Variants in TMEM132C observed in about 807,000 individuals in gnomAD.
TMEM132C encodes protein phosphatase 1, regulatory subunit 152.
Under a neutral mutation model 61.4 loss-of-function variants are expected in TMEM132C, and 29 were observed. That is an observed-to-expected ratio of 0.47 (90% confidence interval 0.35 to 0.64). The LOEUF is 0.64. TMEM132C is among the 30% of genes least tolerant of loss of function. TMEM132C has a pLI of 0.00. For synonymous variants in TMEM132C, 656 were observed against 633.1 expected, an observed-to-expected ratio of 1.04 and a Z score of -0.54; for missense variants, 1,408 against 1,476.9, an observed-to-expected ratio of 0.95 and a Z score of 0.76.
At chr12:128,333,543 A>G (rs1190696755) in intron 1 of TMEM132C, among the ~76,000 whole-genome samples, 1 of 151,382 alleles carries the variant, frequency 6.6e-6, no homozygotes, top group East Asian at 2.0e-4. Context: ...TTGTGAGTGT[A>G]GCATGTATGT....
intron 2 of TMEM132C, among the ~76,000 whole-genome samples, chr12:128,454,938 G>A (rs1043738297): frequency 2.6e-5 from 4 of 152,176 alleles, no homozygotes; most frequent in African/African-American, 4.8e-5. Context: ...AAAATTGGCC[G>A]AGAGGCATAG....
rs1870927482 is a variant in TMEM132C, at chr12:128,282,429, C to T, written c.85+14942C>T. Among the ~76,000 whole-genome samples, 4 of 152,316 alleles carry T rather than the reference C, an allele frequency of 2.6e-5. No homozygotes were observed. In the South Asian group the frequency reaches 8.3e-4, roughly 32 times the overall value. On this transcript the variant is annotated intron_variant, in intron 1 of 8. Coordinates refer to ENST00000435159, the MANE Select transcript of TMEM132C (RefSeq NM_001136103.3). ...GCAAAGGAGAAGCAAGTACCTTTTT[C>T]ACATGGTGGCAGGAAAAGGAAGAGG...
intron 2 of TMEM132C, among the ~76,000 whole-genome samples, chr12:128,522,349 G>A (rs968406021): frequency 6.6e-6 from 1 of 152,226 alleles, no homozygotes; most frequent in Non-Finnish European, 1.5e-5. Context: ...GGCAGAATCA[G>A]ACTCAGGCAC....
intron 1 of TMEM132C, among the ~76,000 whole-genome samples, chr12:128,370,581 GA>G (rs1565915383): frequency 6.6e-6 from 1 of 151,772 alleles, no homozygotes; most frequent in African/African-American, 2.4e-5. Flanking sequence ...GATGCAGAGG[GA>G]AGTGGCCACC....
chr12:128,276,894 G>GCACACACACACACACA (rs71069547), intron 1 of TMEM132C, among the ~76,000 whole-genome samples: 1,846 of 150,020 alleles, frequency 0.012, 31 homozygotes, highest in African/African-American at 0.035. Context: ...GTGCGTGCAT[G>GCACACACACACACACA]CACACACACA....
At chr12:128,492,257 A>G (rs940994661) in intron 2 of TMEM132C, among the ~76,000 whole-genome samples, 3 of 152,116 alleles carry the variant, frequency 2.0e-5, no homozygotes, top group South Asian at 2.1e-4. Flanking sequence ...TCATTGATGG[A>G]CATTTGGGTT....
chr12:128,306,195 G>C (rs1330884574), intron 1 of TMEM132C, among the ~76,000 whole-genome samples: 1 of 147,032 alleles, frequency 6.8e-6, no homozygotes, highest in African/African-American at 2.5e-5. Context: ...TCTTTACCCT[G>C]TGAAGAAATT....
rs1250280682 is a variant in TMEM132C, at chr12:128,341,439, T to A, written c.86-73293T>A. ...ATTGCTAATCATTTATCTCCCAAGG[T>A]GTTTTATTTTACTCGAATGGATTTA... On this transcript the variant is annotated intron_variant, in intron 1 of 8. Coordinates refer to ENST00000435159, the MANE Select transcript of TMEM132C (RefSeq NM_001136103.3). Among the ~76,000 whole-genome samples the A allele has an allele frequency of 2.0e-5, 3 of 152,206 alleles. No homozygotes were observed. In the East Asian group the frequency reaches 5.8e-4, roughly 29 times the overall value.
At chr12:128,517,166 G>T (rs1197032945) in intron 2 of TMEM132C, among the ~76,000 whole-genome samples, 2 of 151,830 alleles carry the variant, frequency 1.3e-5, no homozygotes, top group Admixed American at 6.6e-5. Flanking sequence ...AGGAGGCAAA[G>T]GTTGCAGTGA....
intron 2 of TMEM132C, among the ~76,000 whole-genome samples, chr12:128,519,945 C>A (rs1428961409): frequency 1.3e-5 from 2 of 152,202 alleles, no homozygotes; most frequent in Non-Finnish European, 2.9e-5. Context: ...TCAGTAACCA[C>A]CTAAAACACA....
intron 4 of TMEM132C, among the ~76,000 whole-genome samples, chr12:128,664,583 G>A (rs577015678): frequency 4.6e-5 from 7 of 152,272 alleles, no homozygotes; most frequent in Non-Finnish European, 8.8e-5. Flanking sequence ...GTTGATAAGC[G>A]GTCTCTAACA....
At chr12:128,657,245 C>G (rs772676355) in intron 4 of TMEM132C, among the ~76,000 whole-genome samples, 4 of 152,078 alleles carry the variant, frequency 2.6e-5, no homozygotes, top group African/African-American at 7.2e-5. Context: ...CTCCTTCCCC[C>G]AAAGATACAT....
At chr12:128,624,168 G>A (rs770095370) in intron 4 of TMEM132C, among the ~76,000 whole-genome samples, 1 of 152,082 alleles carries the variant, frequency 6.6e-6, no homozygotes, top group Admixed American at 6.5e-5. Flanking sequence ...ACTGTGTTGG[G>A]GTGAGTCCCA....
At chr12:128,467,520 T>C (rs528080165) in intron 2 of TMEM132C, among the ~76,000 whole-genome samples, 1 of 152,252 alleles carries the variant, frequency 6.6e-6, no homozygotes, top group South Asian at 2.1e-4. Flanking sequence ...AGCTGTTTCG[T>C]TGTGTTTTCT....
intron 3 of TMEM132C, among the ~76,000 whole-genome samples, chr12:128,596,224 GTA>G (rs1875942929): frequency 6.6e-6 from 1 of 150,792 alleles, no homozygotes; most frequent in Admixed American, 6.6e-5. Flanking sequence ...GCAGGTCCTG[GTA>G]CAGAGGCGGC....
intron 5 of TMEM132C, among the ~76,000 whole-genome samples, chr12:128,689,313 C>G (rs4357766): frequency 0.21 from 31,342 of 152,016 alleles, 4,257 homozygotes; most frequent in African/African-American, 0.39. Flanking sequence ...AAAATTTTCT[C>G]TCAGCAATTT....
At chr12:128,593,046 CTCTCTGTCT>C (rs949380878) in intron 3 of TMEM132C, among the ~76,000 whole-genome samples, 20 of 145,778 alleles carry the variant, frequency 1.4e-4, no homozygotes, top group African/African-American at 4.9e-4. Context: ...CCTTTCTTTT[CTCTCTGTCT>C]TCTCTTTCTT....
chr12:128,524,012 C>A (rs1178475732), intron 2 of TMEM132C, among the ~76,000 whole-genome samples: 2 of 135,326 alleles, frequency 1.5e-5, no homozygotes, highest in African/African-American at 5.9e-5. Context: ...GACGCCATCT[C>A]AAAAAAAAAA....
At chr12:128,431,964 A>T (rs11613016) in intron 2 of TMEM132C, among the ~76,000 whole-genome samples, 5,594 of 152,292 alleles carry the variant, frequency 0.037, 140 homozygotes, top group Non-Finnish European at 0.06. Flanking sequence ...CCTAAATCCC[A>T]GGACCCTTAA....
Sources: gnomAD v4.1 joint callset for allele counts (sites outside exome capture counted in the v4.1 genomes callset) on GRCh38, gnomAD v4.1.1 for gene constraint, MANE v1.5 for transcripts, NCBI Gene and HGNC (gene_info 2026-07-23, HGNC 2026-07-21) for gene names.